Variants in KCNQ1 observed in about 807,000 individuals in gnomAD.
KCNQ1 encodes potassium voltage-gated channel subfamily Q member 1.
KCNQ1 carries 49 observed loss-of-function variants against 72.4 expected under a neutral mutation model. The ratio of observed to expected loss-of-function variants is 0.68; its 90% confidence interval spans 0.54 to 0.86. KCNQ1 has a LOEUF of 0.86. Ranked by LOEUF, KCNQ1 falls within the 40% of genes least tolerant of loss-of-function variation. The pLI is 0.00. For synonymous variants in KCNQ1, 450 were observed against 412.6 expected, an observed-to-expected ratio of 1.09 and a Z score of -1.10; for missense variants, 790 against 945.1, an observed-to-expected ratio of 0.84 and a Z score of 2.15.
At chr11:2,744,582 G>A (rs1181960050) in intron 11 of KCNQ1, among the ~76,000 whole-genome samples, 2 of 152,154 alleles carry the variant, frequency 1.3e-5, no homozygotes, top group African/African-American at 4.8e-5. Context: ...GCCATGCCAG[G>A]TACCTTACTA....
At chr11:2,665,356 A>G (rs1293400280) in intron 11 of KCNQ1, 2 of 397,938 alleles carry the variant, frequency 5.0e-6, no homozygotes, top group East Asian at 3.6e-5. Context: ...GCAGTTGGGG[A>G]GCACCCCCAT....
At chr11:2,716,698 G>A (rs777314694) in intron 11 of KCNQ1, among the ~76,000 whole-genome samples, 8 of 152,364 alleles carry the variant, frequency 5.3e-5, no homozygotes, top group South Asian at 2.1e-4. Flanking sequence ...TCCCCACTAC[G>A]GAAGGCAGCC....
At chr11:2,639,176 G>A (rs778177418) in intron 10 of KCNQ1, 4 of 152,100 alleles carry the variant, frequency 2.6e-5, no homozygotes, top group Non-Finnish European at 4.4e-5. Context: ...CCTTTAGCTC[G>A]GAGAAGTTTG....
At position 2,678,899 on chromosome 11, in the gene KCNQ1, A is replaced by G. The variant is rs573327583; in HGVS notation, c.1514+16818A>G. ...TGGACCCAAGGACCATTTCGTATAC[A>G]TGTATGATCATACTTTCAGGGCATC... On this transcript the variant is annotated intron_variant, in intron 11 of 15. Coordinates refer to ENST00000155840, the MANE Select transcript of KCNQ1 (RefSeq NM_000218.3). This position sits in a 1 kb window ranked among gnomAD's most constrained non-coding sequence, Gnocchi z 4.9. 1.3e-5 allele frequency: 5 copies of G among 398,614 alleles called. No homozygotes were observed. The South Asian group carries it at 3.8e-4, about 30-fold the overall frequency. 24.7% of individuals were successfully genotyped at this position (398,614 alleles called of 1,614,324 possible). A position where few individuals can be genotyped will look rare whatever the true frequency, so the allele number is the denominator to read the frequency against.
chr11:2,667,601 G>C (rs566395407), intron 11 of KCNQ1: 2 of 398,402 alleles, frequency 5.0e-6, no homozygotes, highest in Non-Finnish European at 8.8e-6. Context: ...TTGGGCGGGG[G>C]GCACATCCCA....
At position 2,766,611 on chromosome 11, in the gene KCNQ1, C is replaced by T. The variant is rs138731124; in HGVS notation, c.1515-2233C>T. Among the ~76,000 whole-genome samples the T allele has an allele frequency of 1.1e-3, 174 of 152,266 alleles. No homozygotes were observed. Among genetic ancestry groups the T allele is most frequent in the African/African-American group, 4.1e-3 (169 of 41,530 alleles). On this transcript the variant is annotated intron_variant, in intron 11 of 15. Transcript: ENST00000155840. The surrounding 1 kb of genome is among the most constrained non-coding windows in gnomAD (Gnocchi z 4.4). The stretch of plus-strand genomic sequence containing the variant: ...CATCTTTAATTAATCACAGTCTGCC[C>T]TCTGGCCATAACTTTTCGCATTCTC...
chr11:2,524,894 G>C (rs1002498617), intron 1 of KCNQ1, among the ~76,000 whole-genome samples: 4 of 152,188 alleles, frequency 2.6e-5, no homozygotes, highest in Non-Finnish European at 5.9e-5. Context: ...CCGTGGGCCT[G>C]GGGAGCAGGC....
At position 2,657,093 on chromosome 11, in the gene KCNQ1, G is replaced by C; in HGVS notation, c.1394-4868G>C. On this transcript the variant is annotated intron_variant, in intron 10 of 15. Transcript: ENST00000155840. The surrounding 1 kb of genome is among the most constrained non-coding windows in gnomAD (Gnocchi z 4.8). ...CCCATTGGCCTATTTGTCTCTCCCT[G>C]TGTCAATACCACATTGCCCTAATGA... 2.5e-6 allele frequency: 1 copy of C among 398,584 alleles called. No homozygotes were observed. The highest frequency in any genetic ancestry group is 4.4e-6 in the Non-Finnish European group (1 of 226,066). 24.7% of individuals were successfully genotyped at this position (398,584 alleles called of 1,614,324 possible).
rs558665148 is a variant in KCNQ1, at chr11:2,667,070, G to A, written c.1514+4989G>A. The A allele has an allele frequency of 2.9e-4, 115 of 398,530 alleles. 1 individual carries two copies. Among genetic ancestry groups the A allele is most frequent in the Non-Finnish European group, 4.5e-4 (102 of 226,104 alleles). 24.7% of individuals were successfully genotyped at this position (398,530 alleles called of 1,614,324 possible). The stretch of plus-strand genomic sequence containing the variant: ...GCTCAAACCCGTCTCTGAAATGCAC[G>A]GGGGGATTAAATGTTCTTCTAATTA... On this transcript the variant is annotated intron_variant, in intron 11 of 15. Transcript: ENST00000155840.
chr11:2,554,911 C>A (rs1271725749), intron 2 of KCNQ1, among the ~76,000 whole-genome samples: 4 of 152,198 alleles, frequency 2.6e-5, no homozygotes, highest in Non-Finnish European at 5.9e-5. Context: ...AATTCACCGC[C>A]TGTTATTAAA....
Position 2,687,164 on chromosome 11 carries a change from A to C in KCNQ1, c.1514+25083A>C. ...TCTGAGCCAGCTTCCTCCACAAAGC[A>C]CAGAAGTCTGCCAAAAGCCCAGGCT... On this transcript the variant is annotated intron_variant, in intron 11 of 15. Transcript: ENST00000155840. The surrounding 1 kb of genome is among the most constrained non-coding windows in gnomAD (Gnocchi z 5.0). 1 of 398,634 alleles carries C rather than the reference A, an allele frequency of 2.5e-6. No homozygotes were observed. The highest frequency in any genetic ancestry group is 4.4e-6 in the Non-Finnish European group (1 of 226,088). The allele number at this position is 398,634 out of a possible 1,614,324, so 24.7% of individuals were successfully genotyped here. A position where few individuals can be genotyped will look rare whatever the true frequency, so the allele number is the denominator to read the frequency against.
Position 2,647,120 on chromosome 11 carries a change from A to G in KCNQ1, c.1394-14841A>G, listed in dbSNP as rs1849678162. ...CCAGGTGGCTGTGGGTTTGTCATAT[A>G]TGACCTTCATTGAGTTATGTTCCTT... On this transcript the variant is annotated intron_variant, in intron 10 of 15. Transcript: ENST00000155840. The surrounding 1 kb of genome is among the most constrained non-coding windows in gnomAD (Gnocchi z 4.0). 2.5e-6 allele frequency: 1 copy of G among 398,366 alleles called. No individual in the cohort carries two copies. Among genetic ancestry groups the G allele is most frequent in the South Asian group, 1.3e-4 (1 of 7,854 alleles). The allele number at this position is 398,366 out of a possible 1,614,324, so 24.7% of individuals were successfully genotyped here.
At chr11:2,512,846 G>T (rs1847232327) in intron 1 of KCNQ1, among the ~76,000 whole-genome samples, 4 of 152,208 alleles carry the variant, frequency 2.6e-5, no homozygotes, top group Admixed American at 2.6e-4. Flanking sequence ...GGCGTGTCCT[G>T]CTCCCCAGGG....
At chr11:2,819,578 A>C (rs556428635) in intron 15 of KCNQ1, among the ~76,000 whole-genome samples, 25 of 152,208 alleles carry the variant, frequency 1.6e-4, no homozygotes, top group Non-Finnish European at 2.6e-4. Context: ...ATCTGTGTTC[A>C]TACCTGATTT....
rs1848914767 is a variant in KCNQ1 at position 2,608,349 on chromosome 11, A to C, written c.1393+19495A>C. On this transcript the variant is annotated intron_variant, in intron 10 of 15. Transcript: ENST00000155840. The surrounding 1 kb of genome is among the most constrained non-coding windows in gnomAD (Gnocchi z 4.6). ...TTCTTAGTCAGTTTTCATAGTTTTC[A>C]TCTTTCTAGGAATTTGTCAATTTCA... 1 of 398,356 alleles carries C rather than the reference A, an allele frequency of 2.5e-6. No homozygotes were observed. The highest frequency in any genetic ancestry group is 4.4e-5 in the Admixed American group (1 of 22,704). 24.7% of individuals were successfully genotyped at this position (398,356 alleles called of 1,614,324 possible).
Position 2,626,313 on chromosome 11 carries a change from T to C in KCNQ1, c.1394-35648T>C. ...CTTCATTCTCTTGAGTTAATTTTTG[T>C]GTATGGTATTAGGTAAGGGTCTCAA... is the stretch of plus-strand genomic sequence containing the variant. On this transcript the variant is annotated intron_variant, in intron 10 of 15. Coordinates refer to ENST00000155840, the MANE Select transcript of KCNQ1 (RefSeq NM_000218.3). The surrounding 1 kb of genome is among the most constrained non-coding windows in gnomAD (Gnocchi z 4.0). 1 of 398,564 alleles carries C rather than the reference T, an allele frequency of 2.5e-6. No individual in the cohort carries two copies. Among genetic ancestry groups the C allele is most frequent in the Non-Finnish European group, 4.4e-6 (1 of 226,064 alleles). The allele number at this position is 398,564 out of a possible 1,614,324, so 24.7% of individuals were successfully genotyped here.
At chr11:2,461,419 C>T (rs1010010651) in intron 1 of KCNQ1, 82 of 1,277,142 alleles carry the variant, frequency 6.4e-5, no homozygotes, top group Middle Eastern at 3.3e-4. Context: ...GTGAGCCGGC[C>T]GGGGCGGGGG....
intron 11 of KCNQ1, chr11:2,666,976 C>T (rs908292004): frequency 3.3e-5 from 13 of 398,638 alleles, no homozygotes; most frequent in African/African-American, 2.7e-4. Context: ...TGGGGGCCCG[C>T]CCGGGAGGGC....
chr11:2,649,799 G>A (rs1410583845), intron 10 of KCNQ1: 1 of 398,284 alleles, frequency 2.5e-6, no homozygotes, highest in Non-Finnish European at 4.4e-6. Context: ...AATCTATTTA[G>A]GGATTTGTGA....
Sources: allele counts gnomAD v4.1 joint callset (sites outside exome capture counted in the v4.1 genomes callset), GRCh38; gene constraint gnomAD v4.1.1; non-coding constraint Gnocchi (gnomAD v3.1); transcripts MANE v1.5; gene names NCBI Gene and HGNC (gene_info 2026-07-23, HGNC 2026-07-21).